Variants in THNSL1 observed in about 807,000 individuals in gnomAD.
THNSL1 encodes threonine synthase-like 1.
THNSL1 carries 48 observed loss-of-function variants against 50.4 expected under a neutral mutation model. That is an observed-to-expected ratio of 0.95 (90% confidence interval 0.76 to 1.21). The LOEUF is 1.21. Ranked by LOEUF, THNSL1 falls within the 50% of genes most tolerant of loss-of-function variation. The pLI is 0.00. For missense variants in THNSL1, 896 were observed against 871.7 expected (o/e 1.03, Z -0.35); for synonymous variants, 309 against 306.1 (o/e 1.01, Z -0.10).
At chr10:24,968,000 T>C in the THNSL1 span, among the ~76,000 whole-genome samples, 2 of 95,936 alleles carry the variant, frequency 2.1e-5, no homozygotes, top group African/African-American at 4.3e-5. Flanking sequence ...GTATGATGTG[T>C]GTGTGTGTGT....
chr10:25,002,321 G>A, the THNSL1 span, among the ~76,000 whole-genome samples: 12,669 of 152,220 alleles, frequency 0.083, 681 homozygotes, highest in Middle Eastern at 0.12. Context: ...TATTTCCACA[G>A]TCCTCTCTCT....
rs1253308086 is a variant in THNSL1, at chr10:25,024,374, G to T, written c.1151G>T (p.Ser384Ile). The T allele has an allele frequency of 6.8e-6, 11 of 1,613,870 alleles. No individual in the cohort carries two copies. Among genetic ancestry groups the T allele is most frequent in the African/African-American group, 1.3e-5 (1 of 74,934 alleles). Residue 384 changes from serine to isoleucine, a missense_variant, in exon 3 of 3, where the codon AGT becomes ATT. Ser to Ile is a moderately radical substitution (Grantham distance 142). Transcript: ENST00000376356. The part of the protein sequence containing the change: ...ILVATSGDTG[S>I]AVLNGFSRLN... ...GTAGCTACTTCAGGAGACACAGGGA[G>T]TGCAGTCTTAAATGGTTTTAGTCGT...
In THNSL1 at chr10:25,023,182, A is replaced by C. The variant is rs1409591989; in HGVS notation, c.-42A>C. 6.4e-7 allele frequency: 1 copy of C among 1,565,428 alleles called. No homozygotes were observed. The highest frequency in any genetic ancestry group is 2.2e-5 in the East Asian group (1 of 44,542). On this transcript the variant is annotated 5_prime_UTR_variant, in exon 3 of 3. Transcript: ENST00000376356. ...TGTTTTGTGTTTTGAAAAGGGCTAA[A>C]GCCAATTTTTAGGTTGGCTTGGGCA...
the THNSL1 span, among the ~76,000 whole-genome samples, chr10:24,958,051 G>A: frequency 0.51 from 77,630 of 152,040 alleles, 21,831 homozygotes; most frequent in African/African-American, 0.76. Flanking sequence ...GAACAGTTCA[G>A]TCTATCCACT....
chr10:24,980,897 A>C, the THNSL1 span, among the ~76,000 whole-genome samples: 1 of 113,656 alleles, frequency 8.8e-6, no homozygotes, highest in Non-Finnish European at 1.8e-5. Context: ...TTGTATTTTT[A>C]GTACAGTGAA....
chr10:25,003,158 TTTAATTAATTAA>T, the THNSL1 span, among the ~76,000 whole-genome samples: 1 of 142,294 alleles, frequency 7.0e-6, no homozygotes, highest in Non-Finnish European at 1.6e-5. Context: ...TCAGTGTTTC[TTTAATTAATTAA>T]TTAATTAATT....
intron 1 of THNSL1, among the ~76,000 whole-genome samples, chr10:25,019,677 T>A (rs1850679013): frequency 6.6e-6 from 1 of 152,170 alleles, no homozygotes; most frequent in African/African-American, 2.4e-5. Flanking sequence ...ATCTGCAGAT[T>A]TTTCTCACTC....
the THNSL1 span, among the ~76,000 whole-genome samples, chr10:24,964,723 A>G: frequency 6.6e-6 from 1 of 152,238 alleles, no homozygotes; most frequent in Non-Finnish European, 1.5e-5. Context: ...TGAGGCTTAC[A>G]GCAGGATCCA....
the THNSL1 span, chr10:24,952,639 C>T: frequency 1.4e-5 from 7 of 518,194 alleles, no homozygotes; most frequent in African/African-American, 5.4e-5. The surrounding 1 kb of genome is among the most constrained non-coding windows in gnomAD (Gnocchi z 5.1). Context: ...GCGAAGGCTG[C>T]GTGGGGGATG....
In THNSL1 at chr10:25,023,723, T is replaced by G. The variant is rs1850771503; in HGVS notation, c.500T>G (p.Leu167Ter). 1 of 1,613,692 alleles carries G rather than the reference T, an allele frequency of 6.2e-7. No individual in the cohort carries two copies. ...PLLDLICRLK[L>*]MKTDRIVGQN... ...CTAGATCTAATTTGTCGTCTAAAAT[T>G]AATGAAGACAGATAGGATTGTAGGT... Residue 167 changes from leucine to a stop codon, truncating the protein, a stop_gained, in exon 3 of 3, where the codon TTA (leucine) becomes TGA (stop). Transcript: ENST00000376356. LOFTEE classifies it high-confidence loss of function.
the THNSL1 span, among the ~76,000 whole-genome samples, chr10:24,960,237 C>T: frequency 9.2e-5 from 14 of 152,104 alleles, no homozygotes; most frequent in Admixed American, 3.9e-4. Flanking sequence ...AATATCCCAG[C>T]GAACCAAGAA....
chr10:25,000,145 C>A, the THNSL1 span, among the ~76,000 whole-genome samples: 1 of 152,034 alleles, frequency 6.6e-6, no homozygotes, highest in Non-Finnish European at 1.5e-5. Context: ...TTCCAGATAT[C>A]TAATTGATTT....
the THNSL1 span, among the ~76,000 whole-genome samples, chr10:24,979,409 T>A: frequency 6.6e-6 from 1 of 151,042 alleles, no homozygotes; most frequent in Non-Finnish European, 1.5e-5. Context: ...CTACTCAGAG[T>A]CAGGAGAAAG....
chr10:24,964,108 C>G, the THNSL1 span, among the ~76,000 whole-genome samples: 1 of 152,178 alleles, frequency 6.6e-6, no homozygotes, highest in Non-Finnish European at 1.5e-5. Flanking sequence ...TTCTTTTGCT[C>G]CTTAGAACCC....
intron 1 of THNSL1, among the ~76,000 whole-genome samples, chr10:25,020,829 T>C (rs574596157): frequency 1.3e-5 from 2 of 152,238 alleles, no homozygotes; most frequent in African/African-American, 4.8e-5. Flanking sequence ...AAGTTATGTA[T>C]TGCAAACTCA....
At chr10:24,983,578 GATACTC>G in the THNSL1 span, 1 of 152,120 alleles carries the variant, frequency 6.6e-6, no homozygotes, top group African/African-American at 2.4e-5. Context: ...AAGGAATAAA[GATACTC>G]ATATGGACAA....
the THNSL1 span, among the ~76,000 whole-genome samples, chr10:24,988,950 C>T: frequency 6.6e-6 from 1 of 151,694 alleles, no homozygotes; most frequent in Non-Finnish European, 1.5e-5. Flanking sequence ...CAGCTCTGCT[C>T]CCTGGCTCAT....
At chr10:25,019,243 G>A (rs1029565115) in intron 1 of THNSL1, among the ~76,000 whole-genome samples, 2 of 152,186 alleles carry the variant, frequency 1.3e-5, no homozygotes, top group Non-Finnish European at 2.9e-5. Context: ...GAAGGCCAAG[G>A]CAGGAAGACT....
At chr10:25,007,995 T>C in the THNSL1 span, among the ~76,000 whole-genome samples, 1 of 148,300 alleles carries the variant, frequency 6.7e-6, no homozygotes, top group Non-Finnish European at 1.5e-5. Flanking sequence ...ATATATAATA[T>C]ATAATATGAA....
Sources: allele counts gnomAD v4.1 joint callset (sites outside exome capture counted in the v4.1 genomes callset), GRCh38; gene constraint gnomAD v4.1.1; non-coding constraint Gnocchi (gnomAD v3.1); transcripts MANE v1.5; gene names NCBI Gene and HGNC (gene_info 2026-07-23, HGNC 2026-07-21).